GADL1: variants seen among roughly 807,000 people sequenced by gnomAD.
GADL1 encodes acidic amino acid decarboxylase GADL1.
A neutral mutation model predicts 69.5 loss-of-function variants in GADL1; 71 were observed. The observed-to-expected ratio is 1.02, with a 90% CI of 0.84 to 1.25. GADL1 has a LOEUF of 1.25. Ranked by LOEUF, GADL1 falls within the 50% of genes most tolerant of loss-of-function variation. The pLI, the probability that GADL1 is intolerant of heterozygous loss-of-function variation, is 0.00. For missense variants in GADL1, 737 were observed against 631.8 expected, an observed-to-expected ratio of 1.17 and a Z score of -1.79; for synonymous variants, 254 against 214.4, an observed-to-expected ratio of 1.18 and a Z score of -1.62.
At chr3:30,843,182 G>A (rs1697996540) in intron 8 of GADL1, among the ~76,000 whole-genome samples, 1 of 151,964 alleles carries the variant, frequency 6.6e-6, no homozygotes, top group Non-Finnish European at 1.5e-5. Flanking sequence ...GCAGCGGTGG[G>A]ATGGGAGAGA....
At chr3:30,840,310 T>C (rs1335081433) in intron 8 of GADL1, among the ~76,000 whole-genome samples, 1 of 152,160 alleles carries the variant, frequency 6.6e-6, no homozygotes, top group Non-Finnish European at 1.5e-5. Flanking sequence ...GAATATGTGG[T>C]TCGCCTCTCT....
intron 14 of GADL1, among the ~76,000 whole-genome samples, chr3:30,753,521 G>A (rs1451913602): frequency 2.6e-5 from 4 of 151,554 alleles, no homozygotes; most frequent in African/African-American, 7.3e-5. Context: ...TTGTAGAAAG[G>A]TGATTAATGA....
chr3:30,793,797 TCAG>T (rs3043719), intron 12 of GADL1, among the ~76,000 whole-genome samples: 125,147 of 151,800 alleles, frequency 0.82, 51,865 homozygotes, highest in African/African-American at 0.9. Flanking sequence ...CTTTCTTACT[TCAG>T]CAGCCGCTTA....
chr3:30,816,577 T>C (rs1375635936), intron 11 of GADL1, among the ~76,000 whole-genome samples: 11 of 134,002 alleles, frequency 8.2e-5, no homozygotes, highest in Non-Finnish European at 1.2e-4. Flanking sequence ...GAGACAGTCT[T>C]GCTCTGTCAC....
chr3:30,760,469 T>C (rs1032889055), intron 14 of GADL1, among the ~76,000 whole-genome samples: 3 of 152,078 alleles, frequency 2.0e-5, no homozygotes, highest in African/African-American at 7.2e-5. Flanking sequence ...CAACAGACTG[T>C]GTCTAGCTGG....
intron 14 of GADL1, among the ~76,000 whole-genome samples, chr3:30,751,044 A>G (rs570319344): frequency 5.3e-5 from 8 of 149,862 alleles, no homozygotes; most frequent in African/African-American, 1.8e-4. Flanking sequence ...TAAGGCATAA[A>G]CAAAAGAACA....
chr3:30,740,708 T>C (rs930772676), intron 14 of GADL1, among the ~76,000 whole-genome samples: 5 of 151,860 alleles, frequency 3.3e-5, no homozygotes, highest in African/African-American at 1.2e-4. Context: ...CATTTGAATG[T>C]CTTCTTTTTG....
At chr3:30,825,993 T>G (rs1697675568) in intron 11 of GADL1, among the ~76,000 whole-genome samples, 1 of 151,910 alleles carries the variant, frequency 6.6e-6, no homozygotes, top group African/African-American at 2.4e-5. Flanking sequence ...GGCAGATACT[T>G]GGAATCCATT....
chr3:30,781,072 T>G (rs1345705079), intron 13 of GADL1, among the ~76,000 whole-genome samples: 1 of 152,136 alleles, frequency 6.6e-6, no homozygotes, highest in Non-Finnish European at 1.5e-5. Context: ...GAGAACACAT[T>G]TAGTCTATGT....
chr3:30,855,503 GGAGT>G (rs1315422867), intron 3 of GADL1, among the ~76,000 whole-genome samples: 1 of 151,982 alleles, frequency 6.6e-6, no homozygotes, highest in East Asian at 1.9e-4. Context: ...GTATATAGAT[GGAGT>G]AAGATGTGAC....
At chr3:30,866,505 A>G (rs574857798) in intron 1 of GADL1, among the ~76,000 whole-genome samples, 1 of 152,074 alleles carries the variant, frequency 6.6e-6, no homozygotes, top group Admixed American at 6.6e-5. Context: ...GGAAACTTGC[A>G]TGTGATGGTA....
rs1695380160 is a variant in GADL1, at chr3:30,727,157, A to G, written c.*1085T>C. ...TATACATATATATGTATATATGTAT[A>G]TCACAGAAACATATATATTTCCCAA... On this transcript the variant is annotated 3_prime_UTR_variant, in exon 15 of 15. Coordinates refer to ENST00000282538, the MANE Select transcript of GADL1 (RefSeq NM_207359.3). 1 of 134,278 alleles carries G rather than the reference A, an allele frequency of 7.4e-6. No individual in the cohort carries two copies. Among genetic ancestry groups the G allele is most frequent in the African/African-American group, 3.0e-5 (1 of 33,798 alleles). The allele number at this position is 134,278 out of a possible 1,614,324, so 8.3% of individuals were successfully genotyped here.
chr3:30,846,510 C>A (rs533888939), intron 6 of GADL1, among the ~76,000 whole-genome samples: 54 of 151,866 alleles, frequency 3.6e-4, no homozygotes, highest in African/African-American at 1.3e-3. Flanking sequence ...GACTCCAGTG[C>A]TGACTAATTT....
intron 1 of GADL1, among the ~76,000 whole-genome samples, chr3:30,891,347 C>T (rs909797726): frequency 5.3e-5 from 8 of 152,098 alleles, no homozygotes; most frequent in African/African-American, 7.2e-5. Context: ...ACCATGAGTG[C>T]GAACCTCCCA....
chr3:30,734,018 A>C (rs1430733888), intron 14 of GADL1, among the ~76,000 whole-genome samples: 1 of 152,186 alleles, frequency 6.6e-6, no homozygotes, highest in Non-Finnish European at 1.5e-5. Flanking sequence ...ACCATCTGAG[A>C]AAAGCCAACC....
chr3:30,833,142 A>G (rs955926248), intron 11 of GADL1, among the ~76,000 whole-genome samples: 19 of 152,124 alleles, frequency 1.2e-4, no homozygotes, highest in African/African-American at 4.6e-4. Flanking sequence ...CATGCTGAAC[A>G]CAGATCTTGA....
rs906304771 is a variant in GADL1, at chr3:30,802,094, C to T, written c.1051-1006G>A. On this transcript the variant is annotated intron_variant, in intron 11 of 14. Transcript: ENST00000282538. The stretch of plus-strand genomic sequence containing the variant: ...TAGCCTGCCTTCTTTCCCAGGTCTG[C>T]CCTGCTATCAGGTCCCATCTCAACT... Among the ~76,000 whole-genome samples the T allele has an allele frequency of 3.9e-5, 6 of 152,326 alleles. 1 individual carries two copies. Among genetic ancestry groups the T allele is most frequent in the South Asian group, 2.1e-4 (1 of 4,826 alleles).
chr3:30,872,522 T>C (rs145967126), intron 1 of GADL1, among the ~76,000 whole-genome samples: 18 of 152,066 alleles, frequency 1.2e-4, no homozygotes, highest in African/African-American at 4.1e-4. Context: ...GCTGAGTAAA[T>C]AGAAGGCCTG....
At position 30,780,545 on chromosome 3, in the gene GADL1, C is replaced by A. The variant is rs535411715; in HGVS notation, c.1303-2277G>T. On this transcript the variant is annotated intron_variant, in intron 13 of 14. Transcript: ENST00000282538. ...TATTACACTTTCCCACTTTACCATG[C>A]AGTTCTTGTCTTCTGAGTGGACTCT... Among the ~76,000 whole-genome samples, 17 of 152,256 alleles carry A rather than the reference C, an allele frequency of 1.1e-4. No individual in the cohort carries two copies. The East Asian group carries it at 3.3e-3, about 29-fold the overall frequency.
Sources: allele counts gnomAD v4.1 joint callset (sites outside exome capture counted in the v4.1 genomes callset), GRCh38; gene constraint gnomAD v4.1.1; transcripts MANE v1.5; gene names NCBI Gene and HGNC (gene_info 2026-07-23, HGNC 2026-07-21).